TMEM223: variants seen among roughly 807,000 people sequenced by gnomAD.
The protein encoded by TMEM223 is transmembrane protein 223.
Under a neutral mutation model 14.1 loss-of-function variants are expected in TMEM223, and 14 were observed. The ratio of observed to expected loss-of-function variants is 0.99; its 90% confidence interval spans 0.66 to 1.55. The LOEUF is 1.55. Among genes scored for constraint, TMEM223 ranks in the 40% most tolerant of loss-of-function variants. The probability of loss-of-function intolerance (pLI) is 0.00; values close to 1 mark genes in which losing one functional copy is unlikely to be tolerated. For missense variants in TMEM223, 346 were observed against 269.9 expected, an observed-to-expected ratio of 1.28 and a Z score of -1.97; for synonymous variants, 145 against 120.5, an observed-to-expected ratio of 1.20 and a Z score of -1.33.
At chr11:62,774,097 G>A (rs944894615) in intron 2 of TMEM223, among the ~76,000 whole-genome samples, 5 of 151,412 alleles carry the variant, frequency 3.3e-5, no homozygotes, top group Non-Finnish European at 7.4e-5. Flanking sequence ...TTTTTTTTGA[G>A]ACGGAGTCTT....
At chr11:62,778,071 G>A (rs1390201836) in intron 1 of TMEM223, 10 of 1,614,116 alleles carry the variant, frequency 6.2e-6, no homozygotes, top group Non-Finnish European at 8.5e-6. Flanking sequence ...GGTGAACCTG[G>A]TGGAGCTGGC....
Position 62,790,171 on chromosome 11 carries a change from C to A in TMEM223, c.*452G>T. The A allele has an allele frequency of 8.9e-7, 1 of 1,124,716 alleles. No homozygotes were observed. Among genetic ancestry groups the A allele is most frequent in the African/African-American group, 1.6e-5 (1 of 63,596 alleles). 69.7% of individuals were successfully genotyped at this position (1,124,716 alleles called of 1,614,324 possible). A position where few individuals can be genotyped will look rare whatever the true frequency, so the allele number is the denominator to read the frequency against. On this transcript the variant is annotated 3_prime_UTR_variant, in exon 2 of 2. Coordinates refer to ENST00000307366, the MANE Select transcript of TMEM223 (RefSeq NM_001080501.3). Reference sequence around the variant, plus strand: ...CTTTCGTTGGGGGGTGGGGGGGAAACATAATGACAGGCCCCCCTCCACCTC... The same window carrying A: ...CTTTCGTTGGGGGGTGGGGGGGAAAAATAATGACAGGCCCCCCTCCACCTC...
intron 1 of TMEM223, chr11:62,775,684 C>G: frequency 7.0e-7 from 1 of 1,428,398 alleles, no homozygotes; most frequent in East Asian, 2.3e-5. Context: ...GCACGAGCAG[C>G]AAGGCTGGTG....
downstream of TMEM223, chr11:62,789,553 G>A (rs373442238): frequency 9.6e-6 from 15 of 1,556,844 alleles, no homozygotes; most frequent in African/African-American, 2.7e-5. Flanking sequence ...GGTGTGCCTC[G>A]GATATAAACT....
exon 3 of TMEM223, chr11:62,771,817 A>C (rs991640725): frequency 3.5e-6 from 1 of 287,628 alleles, no homozygotes; most frequent in Non-Finnish European, 6.9e-6. Context: ...GTGTACGGTC[A>C]TATAATAGGG....
downstream of TMEM223, chr11:62,786,396 C>G: frequency 6.2e-7 from 1 of 1,610,628 alleles, no homozygotes; most frequent in Admixed American, 1.7e-5. Context: ...CTGGTGAGTA[C>G]CGTCCCCTTC....
chr11:62,782,838 G>A, downstream of TMEM223: 1 of 1,613,506 alleles, frequency 6.2e-7, no homozygotes, highest in Non-Finnish European at 8.5e-7. Flanking sequence ...GAGCACCCTG[G>A]CCTTTCTCAC....
chr11:62,787,819 T>C, downstream of TMEM223: 1 of 667,260 alleles, frequency 1.5e-6, no homozygotes, highest in Non-Finnish European at 2.8e-6. Flanking sequence ...CTTACTGTGG[T>C]TCCGAAACAG....
chr11:62,773,255 C>A (rs1333515373), intron 2 of TMEM223, among the ~76,000 whole-genome samples: 1 of 151,830 alleles, frequency 6.6e-6, no homozygotes, highest in Non-Finnish European at 1.5e-5. Flanking sequence ...TCAAGCAATT[C>A]TCCTGCCTCA....
intron 1 of TMEM223, among the ~76,000 whole-genome samples, chr11:62,780,906 C>T (rs1274590570): frequency 3.5e-5 from 5 of 144,612 alleles, no homozygotes; most frequent in African/African-American, 1.3e-4. Flanking sequence ...CACCGCACTC[C>T]AGCCTGGGCA....
downstream of TMEM223, chr11:62,788,935 A>T: frequency 7.1e-7 from 1 of 1,402,584 alleles, no homozygotes; most frequent in Non-Finnish European, 9.7e-7. Context: ...ATGCAGGACC[A>T]TTCCTAAGTT....
At chr11:62,783,629 G>A (rs896142793), downstream of TMEM223, among the ~76,000 whole-genome samples, 4 of 151,436 alleles carry the variant, frequency 2.6e-5, no homozygotes, top group African/African-American at 9.7e-5. Flanking sequence ...CTCCCTCTTG[G>A]ATTTAAGCAA....
downstream of TMEM223, chr11:62,787,808 C>T (rs2084306249): frequency 1.5e-6 from 1 of 676,662 alleles, no homozygotes; most frequent in African/African-American, 1.8e-5. Flanking sequence ...TGCTGCACAG[C>T]CTTACTGTGG....
At chr11:62,778,433 GT>G in intron 1 of TMEM223, 1 of 1,409,754 alleles carries the variant, frequency 7.1e-7, no homozygotes, top group Non-Finnish European at 9.9e-7. Context: ...TCTAACATGT[GT>G]TTACCCATGC....
chr11:62,787,134 T>G, downstream of TMEM223: 1 of 1,563,876 alleles, frequency 6.4e-7, no homozygotes, highest in African/African-American at 1.4e-5. Context: ...GGCGGCAGGC[T>G]GGGAGGCGCT....
At chr11:62,773,501 G>A (rs2084164635) in intron 2 of TMEM223, among the ~76,000 whole-genome samples, 1 of 149,676 alleles carries the variant, frequency 6.7e-6, no homozygotes. Context: ...AGAATGGAGT[G>A]CACTGGTGCG....
chr11:62,788,985 T>G (rs770733561), downstream of TMEM223: 9 of 1,583,918 alleles, frequency 5.7e-6, no homozygotes, highest in Admixed American at 8.8e-5. Context: ...CTAGAGACAT[T>G]AACCTGAAAT....
At chr11:62,779,023 T>C in intron 1 of TMEM223, 3 of 1,359,648 alleles carry the variant, frequency 2.2e-6, no homozygotes, top group Non-Finnish European at 3.1e-6. Context: ...AGACCTGTTT[T>C]TTTTTTTTTT....
chr11:62,787,777 G>A (rs933112771), downstream of TMEM223: 28 of 685,522 alleles, frequency 4.1e-5, 1 homozygote, highest in East Asian at 7.4e-4. Flanking sequence ...AGCACTAGGT[G>A]GAGTCGGGTT....
Sources: allele counts gnomAD v4.1 joint callset (sites outside exome capture counted in the v4.1 genomes callset), GRCh38; gene constraint gnomAD v4.1.1; transcripts MANE v1.5; gene names NCBI Gene and HGNC (gene_info 2026-07-23, HGNC 2026-07-21).